MDGA2: variants seen among roughly 807,000 people sequenced by gnomAD.
MDGA2 encodes the protein MAM domain containing glycosylphosphatidylinositol anchor 2.
MDGA2 carries 40 observed loss-of-function variants against 117.8 expected under a neutral mutation model. That is an observed-to-expected ratio of 0.34 (90% CI 0.26 to 0.44). MDGA2 has a LOEUF of 0.44. MDGA2 is among the 20% of genes least tolerant of loss of function. MDGA2 has a pLI of 1.00. For missense variants in MDGA2, 1,123 were observed against 1,250.6 expected, an observed-to-expected ratio of 0.90 and a Z score of 1.54; for synonymous variants, 452 against 439.0, an observed-to-expected ratio of 1.03 and a Z score of -0.37.
intron 3 of MDGA2, among the ~76,000 whole-genome samples, chr14:47,183,223 C>T (rs927788203): frequency 6.6e-6 from 1 of 152,116 alleles, no homozygotes; most frequent in Non-Finnish European, 1.5e-5. Flanking sequence ...TCTGGTTCAA[C>T]CGCTGGATCT....
At chr14:47,368,728 T>C (rs1426239208) in intron 1 of MDGA2, among the ~76,000 whole-genome samples, 1 of 152,188 alleles carries the variant, frequency 6.6e-6, no homozygotes, top group Non-Finnish European at 1.5e-5. Flanking sequence ...TACGTTGTCA[T>C]TAGTGTAAAA....
intron 1 of MDGA2, among the ~76,000 whole-genome samples, chr14:47,604,155 TCTTAA>T (rs965442448): frequency 3.9e-5 from 6 of 152,164 alleles, no homozygotes; most frequent in Admixed American, 2.6e-4. Context: ...GGAAGACTTT[TCTTAA>T]CTTACATATG....
chr14:46,987,904 T>C (rs180826248), intron 8 of MDGA2, among the ~76,000 whole-genome samples: 1 of 144,056 alleles, frequency 6.9e-6, no homozygotes, highest in East Asian at 2.1e-4. Context: ...TGCCAAAAAG[T>C]GTTGGGACTG....
chr14:47,585,564 G>T (rs577351771), intron 1 of MDGA2, among the ~76,000 whole-genome samples: 1 of 151,856 alleles, frequency 6.6e-6, no homozygotes, highest in Non-Finnish European at 1.5e-5. Context: ...GATATTGACA[G>T]TTAAGAGTCT....
In MDGA2 at chr14:47,417,991, G is replaced by A. The variant is rs1208814260; in HGVS notation, c.281-116441C>T. ...ACCTCCCAAACTGCTGGGATTATAG[G>A]TGTGAGCCACTGCACCTGGACGAGT... is the stretch of plus-strand genomic sequence containing the variant. On this transcript the variant is annotated intron_variant, in intron 1 of 16. Transcript: ENST00000399232. 2.0e-5 allele frequency among the ~76,000 whole-genome samples: 3 copies of A among 152,152 alleles called. No homozygotes were observed. The East Asian group carries it at 5.8e-4, about 29-fold the overall frequency.
At chr14:47,347,483 G>A (rs548150463) in intron 1 of MDGA2, among the ~76,000 whole-genome samples, 1 of 152,278 alleles carries the variant, frequency 6.6e-6, no homozygotes, top group East Asian at 1.9e-4. Flanking sequence ...GAAAGAATTG[G>A]TAACTAGTCT....
chr14:47,657,228 C>T (rs756758538), intron 1 of MDGA2, among the ~76,000 whole-genome samples: 7 of 152,006 alleles, frequency 4.6e-5, no homozygotes, highest in African/African-American at 9.7e-5. Context: ...ACAGAATCCA[C>T]GAATATAATA....
At chr14:47,475,259 C>T (rs1228798912) in intron 1 of MDGA2, among the ~76,000 whole-genome samples, 2 of 152,134 alleles carry the variant, frequency 1.3e-5, no homozygotes, top group African/African-American at 4.8e-5. Flanking sequence ...AAATGCAAAT[C>T]AGTACCACAA....
intron 4 of MDGA2, among the ~76,000 whole-genome samples, chr14:47,135,766 T>C (rs1882421475): frequency 6.6e-6 from 1 of 152,128 alleles, no homozygotes; most frequent in Admixed American, 6.6e-5. Flanking sequence ...ACATAAACTC[T>C]TCATTCTCAT....
At chr14:47,380,837 G>A (rs1478856062) in intron 1 of MDGA2, among the ~76,000 whole-genome samples, 1 of 152,002 alleles carries the variant, frequency 6.6e-6, no homozygotes, top group Admixed American at 6.6e-5. Flanking sequence ...TAGAAAAAGA[G>A]GGAATCCTCC....
At chr14:47,546,438 G>A (rs72670747) in intron 1 of MDGA2, among the ~76,000 whole-genome samples, 15,542 of 152,098 alleles carry the variant, frequency 0.1, 1,134 homozygotes, top group Non-Finnish European at 0.14. Flanking sequence ...CACACATACA[G>A]GTATATGTTT....
intron 8 of MDGA2, among the ~76,000 whole-genome samples, chr14:47,027,316 A>G (rs1371174056): frequency 6.6e-6 from 1 of 152,120 alleles, no homozygotes; most frequent in Admixed American, 6.6e-5. Context: ...GTTGGGGTGG[A>G]CAGAAGTACC....
intron 1 of MDGA2, among the ~76,000 whole-genome samples, chr14:47,407,952 A>C (rs1364864495): frequency 6.6e-6 from 1 of 151,970 alleles, no homozygotes; most frequent in East Asian, 1.9e-4. Context: ...TTTCCCAGAG[A>C]TGTCCCTACC....
At chr14:47,232,394 A>G (rs1321291253) in intron 2 of MDGA2, among the ~76,000 whole-genome samples, 2 of 152,006 alleles carry the variant, frequency 1.3e-5, no homozygotes, top group East Asian at 3.9e-4. Context: ...ATTATTCTGT[A>G]TGTTATTCTT....
chr14:47,529,319 G>A (rs1018792362), intron 1 of MDGA2, among the ~76,000 whole-genome samples: 3 of 151,968 alleles, frequency 2.0e-5, no homozygotes, highest in African/African-American at 2.4e-5. Context: ...ATTCTATCAT[G>A]AGCAATTATC....
At chr14:47,111,722 T>C (rs1393337691) in intron 5 of MDGA2, among the ~76,000 whole-genome samples, 2 of 151,868 alleles carry the variant, frequency 1.3e-5, no homozygotes, top group African/African-American at 4.8e-5. Flanking sequence ...GGCAGGAAAA[T>C]GGAGAGCAAC....
chr14:46,915,306 T>C (rs1171790644), intron 10 of MDGA2, among the ~76,000 whole-genome samples: 1 of 152,094 alleles, frequency 6.6e-6, no homozygotes, highest in Non-Finnish European at 1.5e-5. Flanking sequence ...TCTGAGAAAA[T>C]ATAAAAATGC....
At chr14:47,153,845 A>G (rs1451809755) in intron 3 of MDGA2, among the ~76,000 whole-genome samples, 1 of 152,160 alleles carries the variant, frequency 6.6e-6, no homozygotes, top group Non-Finnish European at 1.5e-5. Context: ...GAGAGGTTGG[A>G]GAGCAGAATA....
intron 9 of MDGA2, among the ~76,000 whole-genome samples, chr14:46,940,621 G>A (rs1281937035): frequency 2.3e-5 from 2 of 88,536 alleles, no homozygotes; most frequent in African/African-American, 4.6e-5. Flanking sequence ...GAGCGAGACT[G>A]TCTCAAAAAA....
Sources: gnomAD v4.1 joint callset for allele counts (sites outside exome capture counted in the v4.1 genomes callset) on GRCh38, gnomAD v4.1.1 for gene constraint, MANE v1.5 for transcripts, NCBI Gene and HGNC (gene_info 2026-07-23, HGNC 2026-07-21) for gene names.